The following MARCHF10 variants were observed in gnomAD, a reference collection of about 807,000 sequenced individuals.
MARCHF10 encodes probable E3 ubiquitin-protein ligase MARCHF10.
In MARCHF10, 64 loss-of-function variants were observed where a neutral mutation model predicts 76.2. That is an observed-to-expected ratio of 0.84 (90% CI 0.69 to 1.03). The LOEUF (loss-of-function observed/expected upper bound fraction) is 1.03. Ranked by LOEUF, MARCHF10 falls within the 50% of genes least tolerant of loss-of-function variation. The pLI, the probability that MARCHF10 is intolerant of heterozygous loss-of-function variation, is 0.00. For missense variants in MARCHF10, 875 were observed against 958.0 expected, an observed-to-expected ratio of 0.91 and a Z score of 1.14; for synonymous variants, 340 against 357.5, an observed-to-expected ratio of 0.95 and a Z score of 0.55.
chr17:62,741,388 G>A (rs922880064), intron 5 of MARCHF10, among the ~76,000 whole-genome samples: 3 of 152,164 alleles, frequency 2.0e-5, no homozygotes, highest in South Asian at 2.1e-4. Flanking sequence ...GCTTTGACAC[G>A]TTACCAAATT....
intron 8 of MARCHF10, among the ~76,000 whole-genome samples, chr17:62,720,594 A>T (rs1283339737): frequency 7.1e-6 from 1 of 140,570 alleles, no homozygotes; most frequent in Non-Finnish European, 1.6e-5. Flanking sequence ...GGCTTATACC[A>T]AAATGGTTAC....
At chr17:62,749,242 G>A (rs2091815075) in intron 4 of MARCHF10, among the ~76,000 whole-genome samples, 1 of 152,162 alleles carries the variant, frequency 6.6e-6, no homozygotes, top group Admixed American at 6.5e-5. Flanking sequence ...ATTTGTACAA[G>A]ACCCTGACAA....
chr17:62,716,235 G>C lies in MARCHF10; in HGVS notation c.2215-4891C>G, dbSNP rs2090189093. ...GGTCGGTAGGGCCCTGCGGGTCTTG[G>C]GTACGGCAGCATTTTCGGCACAGTA... On this transcript the variant is annotated intron_variant, in intron 8 of 10. Coordinates refer to ENST00000311269, the MANE Select transcript of MARCHF10 (RefSeq NM_152598.4). Among the ~76,000 whole-genome samples the C allele has an allele frequency of 1.3e-5, 2 of 152,118 alleles. 1 individual carries two copies. Among genetic ancestry groups the C allele is most frequent in the South Asian group, 4.1e-4 (2 of 4,826 alleles).
intron 8 of MARCHF10, among the ~76,000 whole-genome samples, chr17:62,719,336 T>G: frequency 6.6e-6 from 1 of 152,248 alleles, no homozygotes; most frequent in Middle Eastern, 3.2e-3. Flanking sequence ...TTTTACTTTT[T>G]TGGCATTAAG....
intron 9 of MARCHF10, among the ~76,000 whole-genome samples, chr17:62,710,097 C>T (rs952076828): frequency 1.3e-5 from 2 of 152,156 alleles, no homozygotes; most frequent in African/African-American, 4.8e-5. Context: ...GGGCTTTGGT[C>T]TTCATCTGTT....
intron 8 of MARCHF10, among the ~76,000 whole-genome samples, chr17:62,713,778 A>G (rs1055549746): frequency 3.4e-4 from 51 of 152,018 alleles, no homozygotes; most frequent in African/African-American, 1.2e-3. Flanking sequence ...TTTGACTCCC[A>G]CGTGGAGTTC....
Position 62,708,285 on chromosome 17 carries a change from G to T in MARCHF10, c.2329-2704C>A, listed in dbSNP as rs572849433. 2.1e-5 allele frequency among the ~76,000 whole-genome samples: 3 copies of T among 144,600 alleles called. No individual in the cohort carries two copies. The East Asian group carries it at 6.1e-4, about 30-fold the overall frequency. 94.9% of individuals were successfully genotyped at this position (144,600 alleles called of 152,430 possible). ...TTTTGAGACAGAGTCTTGCTCTGTTGCCCAGGCTGGAGCGCAGTGGCGCCG... is the reference window on the plus strand; with the variant it reads ...TTTTGAGACAGAGTCTTGCTCTGTTTCCCAGGCTGGAGCGCAGTGGCGCCG... On this transcript the variant is annotated intron_variant, in intron 9 of 10. Coordinates refer to ENST00000311269, the MANE Select transcript of MARCHF10 (RefSeq NM_152598.4).
chr17:62,717,546 G>C (rs550245478), intron 8 of MARCHF10, among the ~76,000 whole-genome samples: 2 of 152,348 alleles, frequency 1.3e-5, no homozygotes, highest in African/African-American at 4.8e-5. Flanking sequence ...CTGGCTTCCC[G>C]TTGGGTTTGG....
At chr17:62,755,078 G>C (rs1001671396) in intron 4 of MARCHF10, among the ~76,000 whole-genome samples, 3 of 152,210 alleles carry the variant, frequency 2.0e-5, no homozygotes, top group African/African-American at 7.2e-5. Context: ...CAGCTGAAAA[G>C]TCTTCTTACT....
At position 62,711,745 on chromosome 17, in the gene MARCHF10, A is replaced by G. The variant is rs1235482959; in HGVS notation, c.2215-401T>C. Among the ~76,000 whole-genome samples, 1 of 152,220 alleles carries G rather than the reference A, an allele frequency of 6.6e-6. No individual in the cohort carries two copies. Among genetic ancestry groups the G allele is most frequent in the African/African-American group, 2.4e-5 (1 of 41,444 alleles). On this transcript the variant is annotated intron_variant, in intron 8 of 10. Transcript: ENST00000311269. The surrounding 1 kb of genome is among the most constrained non-coding windows in gnomAD (Gnocchi z 4.4). Reference sequence around the variant, plus strand: ...AGCTTCATCGGTAAACAGCTCCAGTACAAGCTGGATGTGTCGGGTGCTACA... The same window carrying G: ...AGCTTCATCGGTAAACAGCTCCAGTGCAAGCTGGATGTGTCGGGTGCTACA...
chr17:62,772,175 G>C (rs1211792573), intron 3 of MARCHF10, among the ~76,000 whole-genome samples: 1 of 152,178 alleles, frequency 6.6e-6, no homozygotes, highest in East Asian at 1.9e-4. Context: ...TCATGGGAGG[G>C]ACCCGGTGGG....
chr17:62,785,945 C>A (rs2092738335), intron 3 of MARCHF10, among the ~76,000 whole-genome samples: 1 of 152,152 alleles, frequency 6.6e-6, no homozygotes. Flanking sequence ...TAAATTAGTT[C>A]AACCATTGTT....
intron 9 of MARCHF10, among the ~76,000 whole-genome samples, chr17:62,705,854 A>G (rs2089553714): frequency 6.6e-6 from 1 of 152,162 alleles, no homozygotes; most frequent in Admixed American, 6.5e-5. Flanking sequence ...CCTTTGAGCA[A>G]TTGATCTGAA....
Position 62,780,647 on chromosome 17 carries a change from TA to T in MARCHF10, c.210+7832del, listed in dbSNP as rs527297379. Reference sequence around the variant, plus strand: ...AGTGAAAGGACTAGAATCTTATTTTTATTAGCAGAGCAAATGGTGCACTTAA... The same window carrying T: ...AGTGAAAGGACTAGAATCTTATTTTTTTAGCAGAGCAAATGGTGCACTTAA... On this transcript the variant is annotated intron_variant, in intron 3 of 10. Transcript: ENST00000311269. 2.5e-3 allele frequency among the ~76,000 whole-genome samples: 383 copies of T among 152,328 alleles called. 1 individual carries two copies. Among genetic ancestry groups the T allele is most frequent in the Non-Finnish European group, 2.6e-3 (178 of 68,024 alleles).
At position 62,734,578 on chromosome 17, in the gene MARCHF10, A is replaced by G. The variant is rs73335741; in HGVS notation, c.1937+1353T>C. Among the ~76,000 whole-genome samples the G allele has an allele frequency of 3.8e-3, 573 of 152,354 alleles. 3 individuals carry two copies. Among genetic ancestry groups the G allele is most frequent in the Middle Eastern group, 0.017 (5 of 294 alleles). On this transcript the variant is annotated intron_variant, in intron 6 of 10. Coordinates refer to ENST00000311269, the MANE Select transcript of MARCHF10 (RefSeq NM_152598.4). ...ATATTGGAAAATAATATCAACAGAT[A>G]CTCACTAAAAATTGCATTTATATGC...
intron 2 of MARCHF10, among the ~76,000 whole-genome samples, chr17:62,788,881 G>A: frequency 6.8e-6 from 1 of 147,700 alleles, no homozygotes; most frequent in East Asian, 2.0e-4. Flanking sequence ...GGCTAACAAG[G>A]TGAAACCCCG....
intron 7 of MARCHF10, among the ~76,000 whole-genome samples, chr17:62,724,108 A>G (rs997720530): frequency 6.6e-6 from 1 of 151,292 alleles, no homozygotes; most frequent in Admixed American, 6.6e-5. Context: ...GTGGGGGGAT[A>G]TGTTTTCAGA....
chr17:62,798,567 C>T (rs959295898), intron 2 of MARCHF10, among the ~76,000 whole-genome samples: 2 of 151,850 alleles, frequency 1.3e-5, no homozygotes, highest in African/African-American at 4.8e-5. Flanking sequence ...TGGTTACTGA[C>T]GTTAGCAGAA....
chr17:62,786,664 C>A (rs990893743), intron 3 of MARCHF10, among the ~76,000 whole-genome samples: 1 of 152,084 alleles, frequency 6.6e-6, no homozygotes, highest in Admixed American at 6.6e-5. Context: ...CAGAAGTGGT[C>A]TGAGTGTTTT....
Sources: gnomAD v4.1 joint callset for allele counts (sites outside exome capture counted in the v4.1 genomes callset) on GRCh38, gnomAD v4.1.1 for gene constraint, Gnocchi (gnomAD v3.1) non-coding constraint, MANE v1.5 for transcripts, NCBI Gene and HGNC (gene_info 2026-07-23, HGNC 2026-07-21) for gene names.